Variants in NDFIP2 observed in about 807,000 individuals in gnomAD.
The protein encoded by NDFIP2 is NEDD4 family-interacting protein 2.
In NDFIP2, 19 loss-of-function variants were observed where a neutral mutation model predicts 36.0. The observed-to-expected ratio is 0.53, with a 90% CI of 0.37 to 0.77. NDFIP2 has a LOEUF of 0.77. NDFIP2 is among the 30% of genes least tolerant of loss of function. The pLI is 0.00. For synonymous variants in NDFIP2, 181 were observed against 167.7 expected (o/e 1.08, Z -0.61); for missense variants, 446 against 435.8 (o/e 1.02, Z -0.21).
chr13:79,527,490 C>T (rs1365029564), intron 2 of NDFIP2, among the ~76,000 whole-genome samples: 1 of 152,090 alleles, frequency 6.6e-6, no homozygotes, highest in African/African-American at 2.4e-5. Context: ...TGCATAACAA[C>T]ATTTTGGCCA....
chr13:79,517,051 A>C (rs1874375759), intron 1 of NDFIP2, among the ~76,000 whole-genome samples: 1 of 152,202 alleles, frequency 6.6e-6, no homozygotes, highest in African/African-American at 2.4e-5. Flanking sequence ...CTCAGTATAT[A>C]TCTATAAAGA....
At chr13:79,497,574 T>C (rs1036273639) in intron 1 of NDFIP2, among the ~76,000 whole-genome samples, 2 of 151,802 alleles carry the variant, frequency 1.3e-5, no homozygotes, top group African/African-American at 4.8e-5. Context: ...ATTTTTGTCC[T>C]AAGTTCATAG....
chr13:79,483,286 A>C (rs914967701), intron 1 of NDFIP2, among the ~76,000 whole-genome samples: 2 of 152,078 alleles, frequency 1.3e-5, no homozygotes, highest in African/African-American at 2.4e-5. Context: ...TAACATTGTA[A>C]GGCAATGTTA....
At chr13:79,513,760 A>G (rs1874164360) in intron 1 of NDFIP2, among the ~76,000 whole-genome samples, 1 of 151,722 alleles carries the variant, frequency 6.6e-6, no homozygotes, top group Non-Finnish European at 1.5e-5. Context: ...CAAGCTATTA[A>G]TATGTTCAGA....
chr13:79,519,786 T>C (rs1489855298), intron 1 of NDFIP2, among the ~76,000 whole-genome samples: 1 of 152,210 alleles, frequency 6.6e-6, no homozygotes, highest in Non-Finnish European at 1.5e-5. Flanking sequence ...TTAGTAATTT[T>C]TTTGTTGGTT....
At chr13:79,489,680 A>G (rs541727485) in intron 1 of NDFIP2, among the ~76,000 whole-genome samples, 1 of 152,232 alleles carries the variant, frequency 6.6e-6, no homozygotes, top group South Asian at 2.1e-4. Context: ...GTTCTAGTTG[A>G]TGAGTATTGT....
intron 1 of NDFIP2, among the ~76,000 whole-genome samples, chr13:79,482,831 A>G (rs573571426): frequency 6.6e-6 from 1 of 152,326 alleles, no homozygotes; most frequent in East Asian, 1.9e-4. Flanking sequence ...GCTTTTCTCA[A>G]CAACTTGGGA....
At chr13:79,490,000 G>A (rs6563113) in intron 1 of NDFIP2, among the ~76,000 whole-genome samples, 104,843 of 152,116 alleles carry the variant, frequency 0.69, 37,525 homozygotes, top group African/African-American at 0.89. Context: ...GTATAGGTCT[G>A]TGGACCCCCA....
chr13:79,498,449 G>A (rs555246634), intron 1 of NDFIP2, among the ~76,000 whole-genome samples: 1 of 151,990 alleles, frequency 6.6e-6, no homozygotes, highest in East Asian at 1.9e-4. Flanking sequence ...TGGGTTCATT[G>A]GAGAATTCTT....
intron 2 of NDFIP2, among the ~76,000 whole-genome samples, chr13:79,527,919 C>T (rs1874862579): frequency 6.6e-6 from 1 of 152,072 alleles, no homozygotes; most frequent in Admixed American, 6.6e-5. Flanking sequence ...TATTGACGAT[C>T]CTGACCCTTT....
chr13:79,521,082 GGATA>G, intron 2 of NDFIP2, 107 bp downstream of exon 2: 1 of 878,944 alleles, frequency 1.1e-6, no homozygotes, highest in Non-Finnish European at 1.7e-6. Context: ...ATATACACAT[GGATA>G]TTTATATATG....
chr13:79,519,112 T>A (rs1471012166), intron 1 of NDFIP2: 3 of 152,332 alleles, frequency 2.0e-5, no homozygotes, highest in Admixed American at 2.0e-4. Context: ...CAGTCCAACA[T>A]GCTGTTCTTT....
chr13:79,499,860 G>A (rs866266757), intron 1 of NDFIP2, among the ~76,000 whole-genome samples: 23 of 151,940 alleles, frequency 1.5e-4, no homozygotes, highest in Admixed American at 1.2e-3. Flanking sequence ...GAATATTGAC[G>A]CACAAATTCT....
At chr13:79,533,498 T>C in intron 3 of NDFIP2, 42 bp downstream of exon 3, 1 of 1,528,842 alleles carries the variant, frequency 6.5e-7, no homozygotes, top group Non-Finnish European at 8.8e-7. Flanking sequence ...ATTATTTTCG[T>C]TAATTGATAT....
At chr13:79,490,036 G>A (rs773428613) in intron 1 of NDFIP2, among the ~76,000 whole-genome samples, 1 of 152,148 alleles carries the variant, frequency 6.6e-6, no homozygotes, top group African/African-American at 2.4e-5. Flanking sequence ...TCCATGTCAG[G>A]ACATGCTCAT....
At chr13:79,522,272 A>G (rs1874616193) in intron 2 of NDFIP2, among the ~76,000 whole-genome samples, 1 of 152,200 alleles carries the variant, frequency 6.6e-6, no homozygotes, top group Non-Finnish European at 1.5e-5. Flanking sequence ...AATTTATTAT[A>G]TGCTAAATAG....
intron 1 of NDFIP2, among the ~76,000 whole-genome samples, chr13:79,489,171 C>T (rs1423369805): frequency 1.3e-5 from 2 of 152,114 alleles, no homozygotes; most frequent in African/African-American, 4.8e-5. Context: ...GATTCTACTC[C>T]ACATAGTGTT....
At chr13:79,551,158 C>G (rs1875895293) in intron 7 of NDFIP2, 36 bp downstream of exon 7, 1 of 1,326,592 alleles carries the variant, frequency 7.5e-7, no homozygotes, top group African/African-American at 1.5e-5. Flanking sequence ...TGCCTATTCC[C>G]TTTATGTATT....
chr13:79,489,556 G>T (rs1358686967), intron 1 of NDFIP2, among the ~76,000 whole-genome samples: 1 of 152,202 alleles, frequency 6.6e-6, no homozygotes, highest in East Asian at 1.9e-4. Flanking sequence ...TGGAGATGAT[G>T]TGCCACACCA....
Sources: gnomAD v4.1 joint callset for allele counts (sites outside exome capture counted in the v4.1 genomes callset) on GRCh38, gnomAD v4.1.1 for gene constraint, MANE v1.5 for transcripts, NCBI Gene and HGNC (gene_info 2026-07-23, HGNC 2026-07-21) for gene names.